Variants in THSD4 observed in about 807,000 individuals in gnomAD.
The protein encoded by THSD4 is thrombospondin type-1 domain-containing protein 4.
In THSD4, 69 loss-of-function variants were observed where a neutral mutation model predicts 119.0. The ratio of observed to expected loss-of-function variants is 0.58; its 90% CI spans 0.48 to 0.71. The LOEUF (loss-of-function observed/expected upper bound fraction) is 0.71. THSD4 is among the 30% of genes least tolerant of loss of function. The pLI is 0.00. For missense variants in THSD4, 1,393 were observed against 1,391.1 expected, an observed-to-expected ratio of 1.00 and a Z score of -0.02; for synonymous variants, 524 against 540.4, an observed-to-expected ratio of 0.97 and a Z score of 0.42.
At chr15:71,323,405 A>G (rs557250977) in intron 6 of THSD4, among the ~76,000 whole-genome samples, 1 of 152,194 alleles carries the variant, frequency 6.6e-6, no homozygotes, top group Non-Finnish European at 1.5e-5. Context: ...AGAAAAGGAG[A>G]AAGAAGGAGC....
chr15:71,539,170 T>G (rs183366532), intron 7 of THSD4, among the ~76,000 whole-genome samples: 134 of 152,354 alleles, frequency 8.8e-4, no homozygotes, highest in African/African-American at 3.1e-3. Flanking sequence ...AGAACTCTTC[T>G]TTGCTTTCCT....
chr15:71,726,481 TGAGCAATGGGTACA>T (rs2052840349), intron 8 of THSD4, among the ~76,000 whole-genome samples: 1 of 152,264 alleles, frequency 6.6e-6, no homozygotes, highest in African/African-American at 2.4e-5. Context: ...TTGTTGAAGC[TGAGCAATGGGTACA>T]TGGGGGTTTA....
chr15:71,256,629 G>A lies in THSD4; in HGVS notation c.929G>A (p.Ser310Asn), dbSNP rs367955818. Reference sequence around the variant, plus strand: ...CTTTATTAGGTATGTCCAGAAAGCAGTAGAAGTATCCGGGAGGTACAGTGT... The same window carrying A: ...CTTTATTAGGTATGTCCAGAAAGCAATAGAAGTATCCGGGAGGTACAGTGT... ...LCNTNVCPES[S>N]RSIREVQCAS... The change falls in exon 6 of 18, where the codon AGT (serine) becomes AAT (asparagine). Residue 310 changes from serine to asparagine, a missense_variant. Ser to Asn is a conservative substitution (Grantham distance 46). Coordinates refer to ENST00000261862, the MANE Select transcript of THSD4 (RefSeq NM_024817.3). 9 of 1,613,918 alleles carry A rather than the reference G, an allele frequency of 5.6e-6. No individual in the cohort carries two copies. Among genetic ancestry groups the A allele is most frequent in the African/African-American group, 5.3e-5 (4 of 74,926 alleles).
At chr15:71,595,382 G>C (rs952146143) in intron 7 of THSD4, among the ~76,000 whole-genome samples, 32 of 152,130 alleles carry the variant, frequency 2.1e-4, no homozygotes, top group Admixed American at 9.8e-4. Flanking sequence ...TCTCATGATA[G>C]TTAATAAGTC....
rs550523503 is a variant in THSD4 at position 71,370,279 on chromosome 15, C to G, written c.1016-41408C>G. ...TGAAGGGTTTTTTATGTCTCTATCTCCTTCAGTTCTGCTCTGATCTTAGTT... is the reference window on the plus strand; with the variant it reads ...TGAAGGGTTTTTTATGTCTCTATCTGCTTCAGTTCTGCTCTGATCTTAGTT... On this transcript the variant is annotated intron_variant, in intron 6 of 17. Coordinates refer to ENST00000261862, the MANE Select transcript of THSD4 (RefSeq NM_024817.3). 1.1e-4 allele frequency among the ~76,000 whole-genome samples: 17 copies of G among 152,214 alleles called. No individual in the cohort carries two copies. The East Asian group carries it at 3.3e-3, about 29-fold the overall frequency.
chr15:71,134,520 C>G (rs951371031), intron 1 of THSD4, among the ~76,000 whole-genome samples: 2 of 151,816 alleles, frequency 1.3e-5, no homozygotes, highest in Non-Finnish European at 2.9e-5. Context: ...AGGGAAAAGT[C>G]TGTAAGAAAC....
At chr15:71,476,658 C>A (rs1188111056) in intron 7 of THSD4, among the ~76,000 whole-genome samples, 2 of 152,216 alleles carry the variant, frequency 1.3e-5, no homozygotes, top group Admixed American at 6.5e-5. Context: ...AACAAGGCAA[C>A]CTCTAGGTCC....
chr15:71,481,397 T>C (rs1395955964), intron 7 of THSD4, among the ~76,000 whole-genome samples: 1 of 152,200 alleles, frequency 6.6e-6, no homozygotes, highest in East Asian at 1.9e-4. Flanking sequence ...GATGATGAAG[T>C]TTTTAAAAAT....
At chr15:71,492,336 C>A (rs1303601234) in intron 7 of THSD4, among the ~76,000 whole-genome samples, 1 of 152,134 alleles carries the variant, frequency 6.6e-6, no homozygotes, top group Non-Finnish European at 1.5e-5. Flanking sequence ...ACAGTCTCAG[C>A]TCACTGCAAC....
At chr15:71,710,100 TGA>T (rs924505641) in intron 8 of THSD4, among the ~76,000 whole-genome samples, 1 of 152,188 alleles carries the variant, frequency 6.6e-6, no homozygotes, top group African/African-American at 2.4e-5. Context: ...TTTCCCATCC[TGA>T]GGGGGCTGAG....
intron 7 of THSD4, among the ~76,000 whole-genome samples, chr15:71,537,484 G>C (rs1218962121): frequency 6.6e-6 from 1 of 152,082 alleles, no homozygotes; most frequent in Non-Finnish European, 1.5e-5. Flanking sequence ...AGGAAGGCAA[G>C]TATTGCTCCT....
At chr15:71,103,815 C>G (rs116263594) in intron 1 of THSD4, among the ~76,000 whole-genome samples, 1,710 of 152,076 alleles carry the variant, frequency 0.011, 34 homozygotes, top group African/African-American at 0.038. Context: ...ACCCCACTCT[C>G]TCTCTGACTC....
intron 6 of THSD4, among the ~76,000 whole-genome samples, chr15:71,273,431 AC>A (rs1195917709): frequency 6.6e-6 from 1 of 152,202 alleles, no homozygotes; most frequent in African/African-American, 2.4e-5. Context: ...GTCAAAGGGC[AC>A]AAAATTGCAG....
intron 7 of THSD4, among the ~76,000 whole-genome samples, chr15:71,490,926 C>T (rs542160243): frequency 3.2e-4 from 48 of 152,284 alleles, no homozygotes; most frequent in African/African-American, 1.1e-3. Flanking sequence ...GCCAGGTGGC[C>T]TGCCAAGCCT....
intron 4 of THSD4, among the ~76,000 whole-genome samples, chr15:71,237,520 G>A (rs895315186): frequency 2.0e-5 from 3 of 152,178 alleles, no homozygotes; most frequent in Admixed American, 6.5e-5. Flanking sequence ...AGCTATCAAA[G>A]TGCAGTCCCA....
intron 1 of THSD4, among the ~76,000 whole-genome samples, chr15:71,139,461 A>G (rs2040581097): frequency 1.3e-5 from 2 of 152,164 alleles, no homozygotes; most frequent in African/African-American, 2.4e-5. Flanking sequence ...CTCTGATTCA[A>G]AGGCATTTTA....
chr15:71,554,953 A>G (rs1257591529), intron 7 of THSD4, among the ~76,000 whole-genome samples: 1 of 152,204 alleles, frequency 6.6e-6, no homozygotes, highest in Admixed American at 6.5e-5. Context: ...CAAAATTCCC[A>G]GTACTATGCA....
At chr15:71,146,828 A>G (rs1299038879) in intron 2 of THSD4, among the ~76,000 whole-genome samples, 1 of 152,194 alleles carries the variant, frequency 6.6e-6, no homozygotes, top group East Asian at 1.9e-4. Context: ...AATGACGGCA[A>G]GCATTCAGAC....
chr15:71,243,647 T>C (rs1160829164), intron 5 of THSD4, among the ~76,000 whole-genome samples: 3 of 152,204 alleles, frequency 2.0e-5, no homozygotes. Flanking sequence ...CCTGTATAGC[T>C]GTACTCATGC....
Sources: allele counts gnomAD v4.1 joint callset (sites outside exome capture counted in the v4.1 genomes callset), GRCh38; gene constraint gnomAD v4.1.1; transcripts MANE v1.5; gene names NCBI Gene and HGNC (gene_info 2026-07-23, HGNC 2026-07-21).